THSD7B: variants seen among roughly 807,000 people sequenced by gnomAD.
THSD7B encodes the protein thrombospondin type 1 domain containing 7B.
Under a neutral mutation model 213.6 loss-of-function variants are expected in THSD7B, and 138 were observed. The ratio of observed to expected loss-of-function variants is 0.65; its 90% confidence interval spans 0.56 to 0.74. The LOEUF (loss-of-function observed/expected upper bound fraction) is 0.74, where lower values mean the gene tolerates loss of function less well. Ranked by LOEUF, THSD7B falls within the 30% of genes least tolerant of loss-of-function variation. THSD7B has a pLI of 0.00. For missense variants in THSD7B, 1,931 were observed against 1,991.5 expected, an observed-to-expected ratio of 0.97 and a Z score of 0.58; for synonymous variants, 742 against 687.0, an observed-to-expected ratio of 1.08 and a Z score of -1.25.
intron 1 of THSD7B, among the ~76,000 whole-genome samples, chr2:136,807,319 A>T (rs1334965213): frequency 6.6e-6 from 1 of 152,092 alleles, no homozygotes; most frequent in African/African-American, 2.4e-5. Context: ...ATATTTATTC[A>T]TATCAGCATG....
chr2:137,390,378 T>C (rs948505342), intron 12 of THSD7B, among the ~76,000 whole-genome samples: 1 of 152,202 alleles, frequency 6.6e-6, no homozygotes, highest in African/African-American at 2.4e-5. Context: ...GATTTCTGTA[T>C]ATGGATTTTA....
intron 5 of THSD7B, among the ~76,000 whole-genome samples, chr2:137,132,148 A>G (rs1465938492): frequency 1.3e-5 from 2 of 150,248 alleles, no homozygotes; most frequent in African/African-American, 4.9e-5. Context: ...AGCAATTGTG[A>G]ATGGCAGTTC....
chr2:137,337,464 A>G (rs1312130369), intron 12 of THSD7B, among the ~76,000 whole-genome samples: 1 of 152,128 alleles, frequency 6.6e-6, no homozygotes, highest in Non-Finnish European at 1.5e-5. Context: ...CATGATATCA[A>G]CATGTCTCAT....
intron 2 of THSD7B, among the ~76,000 whole-genome samples, chr2:137,041,912 C>T (rs979581769): frequency 2.0e-5 from 3 of 152,172 alleles, no homozygotes; most frequent in African/African-American, 7.2e-5. Context: ...TGTAGGAAAT[C>T]TGAACTTAGA....
chr2:136,836,515 C>A (rs1682844643), intron 1 of THSD7B, among the ~76,000 whole-genome samples: 1 of 152,170 alleles, frequency 6.6e-6, no homozygotes, highest in African/African-American at 2.4e-5. Flanking sequence ...ACCTTGCGAC[C>A]TAACATCCTC....
At chr2:136,834,138 C>G (rs1202192707) in intron 1 of THSD7B, among the ~76,000 whole-genome samples, 2 of 152,168 alleles carry the variant, frequency 1.3e-5, no homozygotes, top group African/African-American at 4.8e-5. Context: ...CCCTGACTTG[C>G]TGAAACTTCT....
chr2:136,793,657 T>C (rs1167090141), intron 1 of THSD7B, among the ~76,000 whole-genome samples: 2 of 152,116 alleles, frequency 1.3e-5, no homozygotes, highest in South Asian at 2.1e-4. Context: ...TCTTTATATA[T>C]TGCTGCATTT....
chr2:137,181,721 T>C (rs1231578612), intron 7 of THSD7B, among the ~76,000 whole-genome samples: 2 of 152,090 alleles, frequency 1.3e-5, no homozygotes, highest in African/African-American at 4.8e-5. Context: ...ATTAATGATA[T>C]GTAGCATCTC....
chr2:136,851,458 C>G (rs1683098359), intron 1 of THSD7B, among the ~76,000 whole-genome samples: 1 of 152,096 alleles, frequency 6.6e-6, no homozygotes, highest in Non-Finnish European at 1.5e-5. Context: ...TTAAAGTTTT[C>G]TTTGACTACT....
chr2:137,503,178 A>G (rs1679750126), intron 15 of THSD7B, among the ~76,000 whole-genome samples: 1 of 152,124 alleles, frequency 6.6e-6, no homozygotes, highest in Non-Finnish European at 1.5e-5. Context: ...TTTTCTTCTT[A>G]AAATGAACTT....
chr2:137,036,001 G>T (rs1028672732), intron 2 of THSD7B, among the ~76,000 whole-genome samples: 1 of 152,120 alleles, frequency 6.6e-6, no homozygotes, highest in Non-Finnish European at 1.5e-5. Context: ...CAGCAGTACT[G>T]TAAAGTACAT....
chr2:137,072,527 T>A lies in THSD7B; in HGVS notation c.950+15297T>A, dbSNP rs1022780201. Among the ~76,000 whole-genome samples the A allele has an allele frequency of 5.9e-5, 9 of 152,160 alleles. No individual in the cohort carries two copies. The East Asian group carries it at 1.7e-3, about 29-fold the overall frequency. On this transcript the variant is annotated intron_variant, in intron 3 of 27. Coordinates refer to ENST00000409968, the MANE Select transcript of THSD7B (RefSeq NM_001316349.2). ...GGCTGAGATGATGGGGTTTTCTAGA[T>A]ATACAATCATGTCATCTGCAAATAG...
At chr2:137,626,454 A>C in intron 20 of THSD7B, among the ~76,000 whole-genome samples, 2 of 131,554 alleles carry the variant, frequency 1.5e-5, no homozygotes, top group Non-Finnish European at 3.1e-5. Flanking sequence ...AAAGAGCGAG[A>C]CTCTGTCTCA....
At chr2:137,287,510 G>A (rs1336221977) in intron 12 of THSD7B, among the ~76,000 whole-genome samples, 2 of 152,012 alleles carry the variant, frequency 1.3e-5, no homozygotes, top group African/African-American at 2.4e-5. Flanking sequence ...TTTTATGGTT[G>A]CTTCAGGTAG....
At chr2:137,044,824 T>C (rs772162542) in intron 2 of THSD7B, among the ~76,000 whole-genome samples, 2 of 152,190 alleles carry the variant, frequency 1.3e-5, no homozygotes, top group African/African-American at 2.4e-5. Context: ...GTAGGCATTG[T>C]GACATAGTGT....
At chr2:137,117,506 A>C (rs906969916) in intron 5 of THSD7B, among the ~76,000 whole-genome samples, 4 of 152,104 alleles carry the variant, frequency 2.6e-5, no homozygotes, top group African/African-American at 9.7e-5. Flanking sequence ...CATACTTTGG[A>C]GGGAGAAAGC....
intron 27 of THSD7B, among the ~76,000 whole-genome samples, chr2:137,668,494 AATC>A (rs1406069980): frequency 7.9e-5 from 12 of 151,960 alleles, no homozygotes; most frequent in Non-Finnish European, 1.6e-4. Context: ...AGAATTTATT[AATC>A]TCAGAAAATA....
At chr2:137,532,758 A>G (rs1443000881) in intron 15 of THSD7B, among the ~76,000 whole-genome samples, 1 of 151,694 alleles carries the variant, frequency 6.6e-6, no homozygotes, top group Non-Finnish European at 1.5e-5. Flanking sequence ...TAAGTTTTTA[A>G]TAATGAATAA....
At position 136,964,148 on chromosome 2, in the gene THSD7B, G is replaced by A. The variant is rs920718797; in HGVS notation, c.139+81831G>A. 3.3e-5 allele frequency among the ~76,000 whole-genome samples: 5 copies of A among 152,136 alleles called. No individual in the cohort carries two copies. In the South Asian group the frequency reaches 6.2e-4, roughly 19 times the overall value. ...TTACCACATCTCCTTAGTAAATTCC[G>A]TTTTTCATGCCCAAGACAATTGTTT... On this transcript the variant is annotated intron_variant, in intron 2 of 27. Coordinates refer to ENST00000409968, the MANE Select transcript of THSD7B (RefSeq NM_001316349.2).
Sources: allele counts gnomAD v4.1 joint callset (sites outside exome capture counted in the v4.1 genomes callset), GRCh38; gene constraint gnomAD v4.1.1; transcripts MANE v1.5; gene names NCBI Gene and HGNC (gene_info 2026-07-23, HGNC 2026-07-21).